NPAS2: variants seen among roughly 807,000 people sequenced by gnomAD.
NPAS2 encodes neuronal PAS domain protein 2.
NPAS2 carries 23 observed loss-of-function variants against 107.5 expected under a neutral mutation model. That is an observed-to-expected ratio of 0.21 (90% CI 0.15 to 0.30). The LOEUF is 0.30. Among genes scored for constraint, NPAS2 ranks in the 10% least tolerant of loss-of-function variants. The pLI is 1.00. For synonymous variants in NPAS2, 403 were observed against 417.5 expected, an observed-to-expected ratio of 0.97 and a Z score of 0.42; for missense variants, 756 against 1,043.3, an observed-to-expected ratio of 0.72 and a Z score of 3.79.
intron 1 of NPAS2, among the ~76,000 whole-genome samples, chr2:100,842,371 TAGAC>T (rs1677491439): frequency 1.3e-5 from 2 of 152,180 alleles, no homozygotes; most frequent in South Asian, 4.1e-4. Flanking sequence ...CTCCTGCACG[TAGAC>T]AGAATGCATC....
intron 16 of NPAS2, chr2:100,986,414 G>A (rs967055390): frequency 2.6e-5 from 4 of 152,156 alleles, no homozygotes; most frequent in African/African-American, 9.7e-5. Context: ...GCAGATGTCA[G>A]CCTGTCGGTC....
chr2:100,934,933 A>G (rs1015940235), intron 4 of NPAS2: 3 of 985,310 alleles, frequency 3.0e-6, no homozygotes, highest in Non-Finnish European at 3.6e-6. Flanking sequence ...TAAAATGAGG[A>G]CAGAGCCCAG....
At chr2:100,867,559 T>A (rs980162688) in intron 1 of NPAS2, among the ~76,000 whole-genome samples, 2 of 152,162 alleles carry the variant, frequency 1.3e-5, no homozygotes, top group Non-Finnish European at 2.9e-5. Context: ...CTCCTTTTAC[T>A]CTTTAAGTTT....
chr2:100,978,181 A>G (rs1033155072), intron 15 of NPAS2, among the ~76,000 whole-genome samples: 2 of 152,134 alleles, frequency 1.3e-5, no homozygotes, highest in African/African-American at 4.8e-5. Context: ...CACCAGTCCC[A>G]AAGTCCATCA....
chr2:100,923,484 CTT>C (rs1172385210), intron 2 of NPAS2, among the ~76,000 whole-genome samples: 5 of 152,116 alleles, frequency 3.3e-5, no homozygotes, highest in African/African-American at 7.2e-5. Context: ...GAAATACGTC[CTT>C]TTGTGTCCAA....
At chr2:100,943,037 T>G (rs942862004) in intron 5 of NPAS2, among the ~76,000 whole-genome samples, 1 of 152,196 alleles carries the variant, frequency 6.6e-6, no homozygotes, top group Non-Finnish European at 1.5e-5. Context: ...TGTTTCCTGA[T>G]GAACGTTTGC....
chr2:100,873,861 G>C (rs1558828433), intron 1 of NPAS2, among the ~76,000 whole-genome samples: 1 of 152,162 alleles, frequency 6.6e-6, no homozygotes, highest in Non-Finnish European at 1.5e-5. Context: ...ATAACTGTCT[G>C]TAGCTTTAAA....
chr2:100,881,401 T>C (rs567594012), intron 1 of NPAS2, among the ~76,000 whole-genome samples: 1 of 152,330 alleles, frequency 6.6e-6, no homozygotes, highest in African/African-American at 2.4e-5. Context: ...GAAGTGCTGC[T>C]GGGCCGGGGC....
chr2:100,872,235 A>C (rs926748934), intron 1 of NPAS2, among the ~76,000 whole-genome samples: 4 of 152,170 alleles, frequency 2.6e-5, no homozygotes, highest in African/African-American at 9.7e-5. Flanking sequence ...TGCAACCTGG[A>C]ATCAGACTGC....
chr2:100,982,688 C>T, intron 16 of NPAS2: 1 of 386,294 alleles, frequency 2.6e-6, no homozygotes, highest in Non-Finnish European at 4.8e-6. Context: ...GGATGCCTGC[C>T]TCGGTCCTGG....
intron 1 of NPAS2, among the ~76,000 whole-genome samples, chr2:100,888,013 T>C (rs1680822010): frequency 6.6e-6 from 1 of 152,220 alleles, no homozygotes; most frequent in African/African-American, 2.4e-5. Context: ...GTGAGTGTGG[T>C]TGAATCTGTT....
At chr2:100,919,372 G>GA (rs961861854) in intron 2 of NPAS2, among the ~76,000 whole-genome samples, 148 of 151,594 alleles carry the variant, frequency 9.8e-4, no homozygotes, top group Middle Eastern at 3.4e-3. Context: ...ATTTTAAGGG[G>GA]AAAAAAAACA....
At position 100,897,851 on chromosome 2, in the gene NPAS2, C is replaced by T. The variant is rs780969898; in HGVS notation, c.-22-6882C>T. Among the ~76,000 whole-genome samples the T allele has an allele frequency of 1.3e-3, 196 of 152,312 alleles. 2 individuals are homozygous for T. The highest frequency in any genetic ancestry group is 3.5e-3 in the African/African-American group (145 of 41,568). ...TAGCGGCTTTGCTCACAGTGGGTTC[C>T]CCCTTGCCCAGGCACTCAGGGAGTA... On this transcript the variant is annotated intron_variant, in intron 1 of 20. Transcript: ENST00000335681.
chr2:100,872,509 A>G (rs909719187), intron 1 of NPAS2, among the ~76,000 whole-genome samples: 1 of 152,232 alleles, frequency 6.6e-6, no homozygotes, highest in Non-Finnish European at 1.5e-5. Flanking sequence ...AGGAGTAACC[A>G]TGATAGATTT....
At chr2:100,848,203 C>T (rs993110672) in intron 1 of NPAS2, among the ~76,000 whole-genome samples, 6 of 152,048 alleles carry the variant, frequency 3.9e-5, no homozygotes, top group African/African-American at 1.5e-4. Context: ...GGATTGTTTT[C>T]GATTTTGCAA....
Position 100,982,317 on chromosome 2 carries a change from A to ACAGGAAGAGCTCCACAAGATC in NPAS2, c.1575_1595dup (p.Glu526_Glu532dup), listed in dbSNP as rs769393016. 1.2e-6 allele frequency: 2 copies of ACAGGAAGAGCTCCACAAGATC among 1,614,172 alleles called. No homozygotes were observed. The highest frequency in any genetic ancestry group is 1.3e-5 in the African/African-American group (1 of 75,034). ...TCCTGCAGGCCAATATCCGGTGGCA[A>ACAGGAAGAGCTCCACAAGATC]CAGGAAGAGCTCCACAAGATCCAGG... On this transcript the variant is annotated inframe_insertion, in exon 16 of 21. Transcript: ENST00000335681.
At chr2:100,850,011 T>TAAAAAAAA (rs58359292) in intron 1 of NPAS2, among the ~76,000 whole-genome samples, 81 of 56,178 alleles carry the variant, frequency 1.4e-3, no homozygotes, top group African/African-American at 6.0e-3. Context: ...ACTCTTTTTG[T>TAAAAAAAA]AAAAAAAAAA....
chr2:100,982,591 C>T, intron 16 of NPAS2: 1 of 590,588 alleles, frequency 1.7e-6, no homozygotes, highest in Non-Finnish European at 3.0e-6. Context: ...ATGTCCTCTT[C>T]CCTCGCCCCT....
At chr2:100,927,880 T>C (rs1683687713) in intron 3 of NPAS2, among the ~76,000 whole-genome samples, 1 of 152,192 alleles carries the variant, frequency 6.6e-6, no homozygotes, top group Admixed American at 6.5e-5. Context: ...CAGAACCTAT[T>C]AGCAAGCAGG....
Sources: gnomAD v4.1 joint callset for allele counts (sites outside exome capture counted in the v4.1 genomes callset) on GRCh38, gnomAD v4.1.1 for gene constraint, MANE v1.5 for transcripts, NCBI Gene and HGNC (gene_info 2026-07-23, HGNC 2026-07-21) for gene names.